Variants in C20orf96 observed in about 807,000 individuals in gnomAD.
C20orf96 encodes the protein chromosome 20 open reading frame 96.
Under a neutral mutation model 52.6 loss-of-function variants are expected in C20orf96, and 57 were observed. The ratio of observed to expected loss-of-function variants is 1.08; its 90% CI spans 0.88 to 1.35. C20orf96 has a LOEUF of 1.35. C20orf96 is among the 40% of genes most tolerant of loss of function. The pLI is 0.00. For synonymous variants in C20orf96, 168 were observed against 157.2 expected (o/e 1.07, Z -0.51); for missense variants, 478 against 443.6 (o/e 1.08, Z -0.70).
chr20:272,938 A>C (rs2011886407), intron 10 of C20orf96, among the ~76,000 whole-genome samples: 1 of 152,152 alleles, frequency 6.6e-6, no homozygotes, highest in Non-Finnish European at 1.5e-5. Flanking sequence ...CTAGAATTCC[A>C]GCTGCCATTC....
chr20:280,101 A>G lies in C20orf96; in HGVS notation c.307-771T>C, dbSNP rs986123544. 7.2e-5 allele frequency among the ~76,000 whole-genome samples: 11 copies of G among 152,282 alleles called. 1 individual carries two copies. The South Asian group carries it at 2.3e-3, about 32-fold the overall frequency. ...CATTTCCGGGCAGGCCGCGGAGTCA[A>G]TGAGTACTCTCATTTCACACAACAG... On this transcript the variant is annotated intron_variant, in intron 4 of 10. Coordinates refer to ENST00000360321, the MANE Select transcript of C20orf96 (RefSeq NM_153269.3).
chr20:286,776 CCT>C (rs2012398789), intron 3 of C20orf96, among the ~76,000 whole-genome samples: 1 of 152,106 alleles, frequency 6.6e-6, no homozygotes, highest in Non-Finnish European at 1.5e-5. Flanking sequence ...CTGCCTGTCG[CCT>C]TCTACAACCA....
At chr20:288,549 G>A (rs1433647496) in intron 3 of C20orf96, among the ~76,000 whole-genome samples, 1 of 152,076 alleles carries the variant, frequency 6.6e-6, no homozygotes, top group Non-Finnish European at 1.5e-5. Context: ...ATCACCTCTG[G>A]GCTTCACTCC....
chr20:281,618 C>T (rs867476056), intron 4 of C20orf96, among the ~76,000 whole-genome samples: 3 of 152,348 alleles, frequency 2.0e-5, no homozygotes, highest in East Asian at 1.9e-4. Context: ...GCACTTCATG[C>T]GCACTGCAGC....
intron 3 of C20orf96, 117 bp downstream of exon 3, chr20:289,442 G>C (rs2122335427): frequency 1.4e-6 from 1 of 703,202 alleles, no homozygotes; most frequent in Admixed American, 2.2e-5. Context: ...TGCAATTTGG[G>C]CATTGTTTAT....
chr20:278,458 A>T (rs2012101896), intron 5 of C20orf96, 29 bp from the exon 6 acceptor site: 1 of 1,565,812 alleles, frequency 6.4e-7, no homozygotes, highest in Non-Finnish European at 8.8e-7. Flanking sequence ...CAACTCACCC[A>T]CAGGCTCTGC....
chr20:280,929 A>G (rs761719254), intron 4 of C20orf96, among the ~76,000 whole-genome samples: 1 of 152,146 alleles, frequency 6.6e-6, no homozygotes, highest in Non-Finnish European at 1.5e-5. Context: ...CCCAGATGGG[A>G]GGATCACTCA....
At chr20:278,191 A>T (rs1330716274) in intron 6 of C20orf96, 139 bp downstream of exon 6, 9 of 729,156 alleles carry the variant, frequency 1.2e-5, no homozygotes, top group African/African-American at 3.5e-5. Context: ...TTCGCTCTGT[A>T]TCTTAGCATT....
chr20:279,106 G>GGGAC (rs2012162264), intron 5 of C20orf96, 66 bp downstream of exon 5: 2 of 964,422 alleles, frequency 2.1e-6, no homozygotes, highest in African/African-American at 2.4e-5. Context: ...GAGGGACGGA[G>GGGAC]GGAGGGAGGG....
intron 6 of C20orf96, among the ~76,000 whole-genome samples, chr20:278,104 T>C (rs1274302016): frequency 6.6e-6 from 1 of 152,220 alleles, no homozygotes; most frequent in Non-Finnish European, 1.5e-5. Flanking sequence ...ACTGAGTGTG[T>C]GCCTGTAACA....
intron 3 of C20orf96, among the ~76,000 whole-genome samples, chr20:288,174 C>CTTTTTTTTTTTTTTTTTTTTTTTTTCT (rs1237648367): frequency 1.5e-5 from 1 of 66,040 alleles, no homozygotes; most frequent in African/African-American, 6.2e-5. Context: ...TTTTCTTTTT[C>CTTTTTTTTTTTTTTTTTTTTTTTTTCT]TTTTTTTTTT....
Position 290,731 on chromosome 20 carries a change from T to G in C20orf96, c.-121A>C. 2.5e-6 allele frequency: 3 copies of G among 1,192,454 alleles called. No individual in the cohort carries two copies. The highest frequency in any genetic ancestry group is 2.4e-6 in the Non-Finnish European group (2 of 833,588). 73.9% of individuals were successfully genotyped at this position (1,192,454 alleles called of 1,614,324 possible). A position where few individuals can be genotyped will look rare whatever the true frequency, so the allele number is the denominator to read the frequency against. On this transcript the variant is annotated 5_prime_UTR_variant, in exon 1 of 11. Coordinates refer to ENST00000360321, the MANE Select transcript of C20orf96 (RefSeq NM_153269.3). ...CGCGGTAACCCAGGCCACTCAGAAGTCCCGAGACCCGATGCTTTCGCCAGC... is the reference window on the plus strand; with the variant it reads ...CGCGGTAACCCAGGCCACTCAGAAGGCCCGAGACCCGATGCTTTCGCCAGC...
rs1197375657 is a variant in C20orf96, at chr20:279,220, G to A, written c.417C>T (p.Ser139=). 3 of 1,610,164 alleles carry A rather than the reference G, an allele frequency of 1.9e-6. No individual in the cohort carries two copies. The highest frequency in any genetic ancestry group is 1.1e-5 in the South Asian group (1 of 91,024). Residue 139 remains serine, a synonymous_variant, in exon 5 of 11, where the codon AGC becomes AGT. Transcript: ENST00000360321. Reference sequence around the variant, plus strand: ...GCAGGGCCCGCACGTGCAGGGTCGTGCTGTTCTCCATCTCCTGGATGGTCT... The same window carrying A: ...GCAGGGCCCGCACGTGCAGGGTCGTACTGTTCTCCATCTCCTGGATGGTCT... The part of the protein sequence containing the change: ...LIETIQEMEN[S]TTLHVRALLQ...
In C20orf96 at chr20:284,042, T is replaced by C. The variant is rs755918979; in HGVS notation, c.227A>G (p.Gln76Arg). Reference protein sequence around the residue: ...FKPTTVVTSCQPKNPRELHRR... With the variant: ...FKPTTVVTSCRPKNPRELHRR... Reference sequence around the variant, plus strand: ...ATGTAGTTCTCTTGGATTCTTCGGCTGGCAGCTTGTCACCACCGTAGTGGG... The same window carrying C: ...ATGTAGTTCTCTTGGATTCTTCGGCCGGCAGCTTGTCACCACCGTAGTGGG... The change falls in exon 4 of 11, where the codon CAG (glutamine) becomes CGG (arginine). Residue 76 changes from glutamine to arginine, a missense_variant. Transcript: ENST00000360321. 2 of 1,614,154 alleles carry C rather than the reference T, an allele frequency of 1.2e-6. No homozygotes were observed. The highest frequency in any genetic ancestry group is 1.7e-6 in the Non-Finnish European group (2 of 1,180,030).
Position 279,174 on chromosome 20 carries a change from C to G in C20orf96, c.463G>C (p.Ala155Pro). ...CGGGCGGATGCCGCGGGTCTCACCG[C>G]CAGGGTGTCCTGCTGCTGCAGCAGG... ...RALLQQQDTL[A>P]TIIDILEYSN... Residue 155 changes from alanine to proline, a missense_variant and splice_region_variant, in exon 5 of 11, where the codon GCG becomes CCG. Transcript: ENST00000360321. 2.5e-6 allele frequency: 4 copies of G among 1,589,466 alleles called. No homozygotes were observed. Among genetic ancestry groups the G allele is most frequent in the Non-Finnish European group, 3.4e-6 (4 of 1,172,724 alleles).
chr20:274,718 C>T (rs1048635201), intron 10 of C20orf96, among the ~76,000 whole-genome samples: 1 of 152,142 alleles, frequency 6.6e-6, no homozygotes, highest in African/African-American at 2.4e-5. Flanking sequence ...TTCTATGCAT[C>T]CTTCAAGCCT....
intron 9 of C20orf96, chr20:276,527 G>A: frequency 1.0e-6 from 1 of 985,402 alleles, no homozygotes; most frequent in African/African-American, 1.7e-5. Flanking sequence ...GTGGTTAATG[G>A]CTGAATAGGT....
chr20:286,837 C>A (rs1600191194), intron 3 of C20orf96, among the ~76,000 whole-genome samples: 1 of 152,188 alleles, frequency 6.6e-6, no homozygotes, highest in Non-Finnish European at 1.5e-5. Context: ...TGTCCCTAAC[C>A]CCTGCAATCA....
intron 10 of C20orf96, among the ~76,000 whole-genome samples, chr20:274,007 AAAAAG>A (rs59135705): frequency 0.12 from 18,300 of 150,940 alleles, 1,173 homozygotes; most frequent in East Asian, 0.15. Flanking sequence ...AGAAAGAAAG[AAAAAG>A]AAAAGAGAGA....
Sources: allele counts gnomAD v4.1 joint callset (sites outside exome capture counted in the v4.1 genomes callset), GRCh38; gene constraint gnomAD v4.1.1; transcripts MANE v1.5; gene names NCBI Gene and HGNC (gene_info 2026-07-23, HGNC 2026-07-21).